CEP70: variants seen among roughly 807,000 people sequenced by gnomAD.
CEP70 encodes the protein centrosomal protein 70.
Under a neutral mutation model 90.9 loss-of-function variants are expected in CEP70, and 70 were observed. The ratio of observed to expected loss-of-function variants is 0.77; its 90% CI spans 0.64 to 0.94. The LOEUF (loss-of-function observed/expected upper bound fraction) is 0.94. Among genes scored for constraint, CEP70 ranks in the 40% least tolerant of loss-of-function variants. The pLI, the probability that CEP70 is intolerant of heterozygous loss-of-function variation, is 0.00. For synonymous variants in CEP70, 220 were observed against 228.3 expected (o/e 0.96, Z 0.33); for missense variants, 648 against 669.0 (o/e 0.97, Z 0.35).
chr3:138,538,921 A>G (rs1300972765), intron 6 of CEP70, among the ~76,000 whole-genome samples: 1 of 152,166 alleles, frequency 6.6e-6, no homozygotes, highest in African/African-American at 2.4e-5. Context: ...AATTGTTCAA[A>G]GTATAGTCTT....
intron 2 of CEP70, among the ~76,000 whole-genome samples, chr3:138,582,468 T>A (rs1289232248): frequency 7.3e-6 from 1 of 136,486 alleles, no homozygotes; most frequent in Non-Finnish European, 1.5e-5. Flanking sequence ...CGAGACTCCA[T>A]CTCAAAAAAT....
chr3:138,520,359 C>G (rs532543588), intron 11 of CEP70, among the ~76,000 whole-genome samples: 11 of 152,186 alleles, frequency 7.2e-5, no homozygotes, highest in Non-Finnish European at 1.3e-4. Context: ...GAACTCTCCA[C>G]CCCAAAGCAA....
rs932478907 is a variant in CEP70, at chr3:138,514,170, T to G, written c.945-5626A>C. The stretch of plus-strand genomic sequence containing the variant: ...TCTTGGGGGCTTTGGAATCATTTCT[T>G]TGAAATGTGAACATCTCGGAAGATG... On this transcript the variant is annotated intron_variant, in intron 11 of 17. Transcript: ENST00000264982. 2.0e-5 allele frequency among the ~76,000 whole-genome samples: 3 copies of G among 152,348 alleles called. No homozygotes were observed. In the South Asian group the frequency reaches 6.2e-4, roughly 32 times the overall value.
Position 138,529,831 on chromosome 3 carries a change from C to T in CEP70, c.693-369G>A, listed in dbSNP as rs76735556. Among the ~76,000 whole-genome samples the T allele has an allele frequency of 6.4e-3, 977 of 152,292 alleles. 5 individuals carry two copies. The highest frequency in any genetic ancestry group is 0.011 in the Non-Finnish European group (721 of 68,018). ...GTTCTTTTAAAAAATGCATTCTCCA[C>T]ATACTATTTTTTCCTTCTAGTACAT... On this transcript the variant is annotated intron_variant, in intron 8 of 17. Transcript: ENST00000264982.
intron 10 of CEP70, among the ~76,000 whole-genome samples, chr3:138,527,987 A>T (rs1030285858): frequency 1.3e-5 from 2 of 151,600 alleles, no homozygotes; most frequent in Admixed American, 6.6e-5. Flanking sequence ...CATCAATTGT[A>T]ACTCAATAAA....
At chr3:138,583,118 A>G (rs1223978739) in intron 2 of CEP70, among the ~76,000 whole-genome samples, 1 of 152,178 alleles carries the variant, frequency 6.6e-6, no homozygotes, top group East Asian at 1.9e-4. Context: ...AAGAAATGGA[A>G]AAGGATATTA....
At chr3:138,515,379 CCTT>C (rs1422950971) in intron 11 of CEP70, among the ~76,000 whole-genome samples, 5 of 150,272 alleles carry the variant, frequency 3.3e-5, no homozygotes, top group African/African-American at 9.8e-5. Flanking sequence ...CATATTATAG[CCTT>C]CTTGTGGATA....
At chr3:138,499,785 C>CACACACAA (rs1430305511) in intron 16 of CEP70, 2 of 187,882 alleles carry the variant, frequency 1.1e-5, no homozygotes, top group East Asian at 2.8e-4. Flanking sequence ...TCTCTCTCTA[C>CACACACAA]ACACACACAC....
intron 11 of CEP70, among the ~76,000 whole-genome samples, chr3:138,512,504 C>T (rs77002726): frequency 1.3e-4 from 20 of 152,204 alleles, no homozygotes; most frequent in East Asian, 5.8e-4. Flanking sequence ...CTCAGAAATA[C>T]GCTAGAGCTG....
chr3:138,503,932 T>C (rs1048537307), intron 13 of CEP70, among the ~76,000 whole-genome samples: 20 of 152,250 alleles, frequency 1.3e-4, no homozygotes, highest in Non-Finnish European at 1.5e-5. Context: ...ATATTTTGTC[T>C]AATTAGTCTG....
chr3:138,501,752 G>C (rs192016737), intron 13 of CEP70, among the ~76,000 whole-genome samples: 3 of 152,258 alleles, frequency 2.0e-5, no homozygotes, highest in African/African-American at 7.2e-5. Context: ...TGAAAGTTTA[G>C]AGCTCTAGAC....
At chr3:138,582,458 C>T (rs866342955) in intron 2 of CEP70, among the ~76,000 whole-genome samples, 7 of 150,890 alleles carry the variant, frequency 4.6e-5, no homozygotes, top group Middle Eastern at 3.4e-3. Flanking sequence ...GGTGACAGAG[C>T]GAGACTCCAT....
At chr3:138,591,979 G>T in intron 1 of CEP70, 23 bp from the exon 2 acceptor site, 1 of 792,202 alleles carries the variant, frequency 1.3e-6, no homozygotes, top group Non-Finnish European at 1.9e-6. Context: ...AAGATAAAAA[G>T]AACAAAATCT....
chr3:138,497,560 A>G (rs2034058757), intron 17 of CEP70: 3 of 958,166 alleles, frequency 3.1e-6, no homozygotes, highest in Non-Finnish European at 2.5e-6. Flanking sequence ...GACCCTCAGT[A>G]TAAGTGTAAT....
intron 10 of CEP70, among the ~76,000 whole-genome samples, chr3:138,526,815 GTAAATTTCAA>G (rs1462490944): frequency 7.9e-5 from 12 of 152,140 alleles, no homozygotes; most frequent in African/African-American, 2.7e-4. Context: ...ATCAATAAGA[GTAAATTTCAA>G]ATGTTTTCAA....
chr3:138,515,353 T>A (rs1227928724), intron 11 of CEP70, among the ~76,000 whole-genome samples: 2 of 151,662 alleles, frequency 1.3e-5, no homozygotes, highest in South Asian at 4.1e-4. Context: ...CTAATAGGTG[T>A]ATTTTTTCCA....
At chr3:138,516,373 T>C (rs1231043326) in intron 11 of CEP70, among the ~76,000 whole-genome samples, 3 of 152,000 alleles carry the variant, frequency 2.0e-5, no homozygotes, top group Non-Finnish European at 4.4e-5. Flanking sequence ...TCCTCCTCTA[T>C]TATCTTTTTT....
At chr3:138,497,329 T>TC in intron 17 of CEP70, 1 of 1,237,696 alleles carries the variant, frequency 8.1e-7, no homozygotes, top group Admixed American at 3.0e-5. Flanking sequence ...AGAGCCATTC[T>TC]TTAAAAAAAA....
chr3:138,580,986 A>G (rs756957916), intron 2 of CEP70, among the ~76,000 whole-genome samples: 7 of 152,020 alleles, frequency 4.6e-5, no homozygotes, highest in Non-Finnish European at 8.8e-5. Context: ...AGACAAGAGA[A>G]AAAAGAATAA....
Sources: gnomAD v4.1 joint callset for allele counts (sites outside exome capture counted in the v4.1 genomes callset) on GRCh38, gnomAD v4.1.1 for gene constraint, MANE v1.5 for transcripts, NCBI Gene and HGNC (gene_info 2026-07-23, HGNC 2026-07-21) for gene names.